The following PRR16 variants were observed in gnomAD, a reference collection of about 807,000 sequenced individuals.
PRR16 encodes the protein protein Largen.
In PRR16, 6 loss-of-function variants were observed where a neutral mutation model predicts 18.2. That is an observed-to-expected ratio of 0.33 (90% CI 0.18 to 0.65). The LOEUF (loss-of-function observed/expected upper bound fraction) is 0.65, where lower values mean the gene tolerates loss of function less well. Ranked by LOEUF, PRR16 falls within the 30% of genes least tolerant of loss-of-function variation. PRR16 has a pLI of 0.74. For missense variants in PRR16, 412 were observed against 376.6 expected (o/e 1.09, Z -0.78); for synonymous variants, 151 against 147.8 (o/e 1.02, Z -0.16).
chr5:120,761,489 A>T, the PRR16 span, among the ~76,000 whole-genome samples: 1 of 152,188 alleles, frequency 6.6e-6, no homozygotes. Flanking sequence ...TGGTATTAGC[A>T]ATCATGCATA....
At chr5:120,562,910 T>A (rs183427766) in intron 1 of PRR16, among the ~76,000 whole-genome samples, 1 of 152,194 alleles carries the variant, frequency 6.6e-6, no homozygotes, top group Admixed American at 6.5e-5. Flanking sequence ...GAGTAGGTTG[T>A]ATATTCTAAT....
At chr5:120,656,343 TTC>T (rs1279066060) in intron 1 of PRR16, among the ~76,000 whole-genome samples, 1 of 151,820 alleles carries the variant, frequency 6.6e-6, no homozygotes, top group Non-Finnish European at 1.5e-5. Context: ...AGCACCTCTC[TTC>T]TTAACGGATG....
chr5:120,774,769 A>G, the PRR16 span, among the ~76,000 whole-genome samples: 1 of 152,214 alleles, frequency 6.6e-6, no homozygotes, highest in Non-Finnish European at 1.5e-5. Context: ...ATCTTAATTA[A>G]GCTAAGGTCC....
chr5:120,720,223 G>A, the PRR16 span, among the ~76,000 whole-genome samples: 1 of 151,930 alleles, frequency 6.6e-6, no homozygotes, highest in African/African-American at 2.4e-5. Flanking sequence ...TCAGGATTCA[G>A]CATGTTCTCT....
At chr5:120,505,895 G>GTA (rs971140996) in intron 1 of PRR16, among the ~76,000 whole-genome samples, 5 of 149,234 alleles carry the variant, frequency 3.4e-5, no homozygotes, top group South Asian at 2.1e-4. Context: ...TGAGTAATAT[G>GTA]TATATATATA....
At chr5:120,759,028 G>A in the PRR16 span, among the ~76,000 whole-genome samples, 7,512 of 140,064 alleles carry the variant, frequency 0.054, 240 homozygotes, top group Middle Eastern at 0.17. Context: ...CCAGGCTGGA[G>A]TGCAGTGGCA....
At chr5:120,758,237 AATGTAGT>A in the PRR16 span, among the ~76,000 whole-genome samples, 1 of 152,076 alleles carries the variant, frequency 6.6e-6, no homozygotes, top group African/African-American at 2.4e-5. Context: ...TGTATTCTCA[AATGTAGT>A]ATTTTTAGAT....
chr5:120,746,042 G>A, the PRR16 span, among the ~76,000 whole-genome samples: 1 of 151,904 alleles, frequency 6.6e-6, no homozygotes, highest in East Asian at 1.9e-4. Flanking sequence ...TTTTAGTTTG[G>A]AAGCGGTGAA....
chr5:120,736,357 C>T, the PRR16 span, among the ~76,000 whole-genome samples: 3 of 151,918 alleles, frequency 2.0e-5, no homozygotes, highest in Admixed American at 6.6e-5. Context: ...CTCTGTCTCC[C>T]GGGTTCAAGT....
chr5:120,723,345 C>T, the PRR16 span, among the ~76,000 whole-genome samples: 29 of 151,880 alleles, frequency 1.9e-4, 1 homozygote, highest in Non-Finnish European at 3.5e-4. Flanking sequence ...TTTTATAAAA[C>T]GTAAAACCAC....
At chr5:120,466,865 A>G (rs1206961049) in intron 1 of PRR16, among the ~76,000 whole-genome samples, 2 of 152,208 alleles carry the variant, frequency 1.3e-5, no homozygotes, top group Non-Finnish European at 2.9e-5. Context: ...ACTGAAATTT[A>G]TGACATAAAT....
chr5:120,496,759 TTTCTC>T (rs1163641856), intron 1 of PRR16, among the ~76,000 whole-genome samples: 2 of 151,978 alleles, frequency 1.3e-5, no homozygotes, highest in Non-Finnish European at 2.9e-5. Context: ...TTGGTTTATT[TTTCTC>T]TTCCTAGGCT....
chr5:120,756,075 A>G, the PRR16 span, among the ~76,000 whole-genome samples: 1 of 152,262 alleles, frequency 6.6e-6, no homozygotes, highest in East Asian at 1.9e-4. Context: ...ATGAAGTTAC[A>G]AAGTTACACT....
At chr5:120,556,600 C>G (rs910546424) in intron 1 of PRR16, among the ~76,000 whole-genome samples, 2 of 151,942 alleles carry the variant, frequency 1.3e-5, no homozygotes, top group Non-Finnish European at 2.9e-5. Context: ...CTTTCATTTT[C>G]TCAACAGTTT....
At chr5:120,519,630 G>A (rs1751108608) in intron 1 of PRR16, among the ~76,000 whole-genome samples, 1 of 152,066 alleles carries the variant, frequency 6.6e-6, no homozygotes, top group Non-Finnish European at 1.5e-5. Flanking sequence ...CTTTAGCAAT[G>A]CTAATTATGA....
chr5:120,489,876 G>C (rs1346821111), intron 1 of PRR16, among the ~76,000 whole-genome samples: 2 of 152,134 alleles, frequency 1.3e-5, no homozygotes, highest in African/African-American at 4.8e-5. Context: ...GCATTTGCTT[G>C]TCTGTAAAGT....
At chr5:120,715,870 C>T in the PRR16 span, among the ~76,000 whole-genome samples, 1 of 152,126 alleles carries the variant, frequency 6.6e-6, no homozygotes, top group African/African-American at 2.4e-5. Context: ...CTCACATAGG[C>T]CTTCTCTCTA....
At chr5:120,520,024 A>C (rs1561528256) in intron 1 of PRR16, among the ~76,000 whole-genome samples, 2 of 152,152 alleles carry the variant, frequency 1.3e-5, no homozygotes, top group Non-Finnish European at 2.9e-5. Flanking sequence ...ATTAATCCTG[A>C]ACATTGTTAA....
chr5:120,483,632 A>C (rs796430862), intron 1 of PRR16, among the ~76,000 whole-genome samples: 1 of 152,172 alleles, frequency 6.6e-6, no homozygotes, highest in Non-Finnish European at 1.5e-5. Context: ...AATAAATGTC[A>C]GAATGTGTCA....
Sources: allele counts gnomAD v4.1 joint callset (sites outside exome capture counted in the v4.1 genomes callset), GRCh38; gene constraint gnomAD v4.1.1; transcripts MANE v1.5; gene names NCBI Gene and HGNC (gene_info 2026-07-23, HGNC 2026-07-21).